Variants in HMGCLL1 observed in about 807,000 individuals in gnomAD.
HMGCLL1 encodes 3-hydroxymethyl-3-methylglutaryl-CoA lyase, cytoplasmic.
Under a neutral mutation model 39.1 loss-of-function variants are expected in HMGCLL1, and 36 were observed. That is an observed-to-expected ratio of 0.92 (90% CI 0.71 to 1.22). HMGCLL1 has a LOEUF of 1.22. Among genes scored for constraint, HMGCLL1 ranks in the 50% most tolerant of loss-of-function variants. The pLI is 0.00. For synonymous variants in HMGCLL1, 149 were observed against 144.0 expected (o/e 1.03, Z -0.25); for missense variants, 451 against 416.5 (o/e 1.08, Z -0.72).
At chr6:55,639,493 G>C in the HMGCLL1 span, among the ~76,000 whole-genome samples, 5 of 151,478 alleles carry the variant, frequency 3.3e-5, no homozygotes, top group East Asian at 9.7e-4. Context: ...AATTCCACTG[G>C]AGAAGACAGG....
the HMGCLL1 span, among the ~76,000 whole-genome samples, chr6:55,608,321 A>G: frequency 6.6e-6 from 1 of 152,206 alleles, no homozygotes; most frequent in Non-Finnish European, 1.5e-5. Flanking sequence ...ACTCTGCCAG[A>G]GACAAATTCT....
the HMGCLL1 span, among the ~76,000 whole-genome samples, chr6:55,587,471 G>T: frequency 1.3e-5 from 2 of 151,996 alleles, no homozygotes; most frequent in Non-Finnish European, 2.9e-5. Flanking sequence ...AAAGATCATC[G>T]AGGCTAGGAA....
At chr6:55,442,128 C>G (rs945375837) in intron 7 of HMGCLL1, among the ~76,000 whole-genome samples, 1 of 152,040 alleles carries the variant, frequency 6.6e-6, no homozygotes, top group Non-Finnish European at 1.5e-5. Flanking sequence ...CTGGTATTAA[C>G]TTTTCTTGTC....
At chr6:55,633,167 T>C in the HMGCLL1 span, among the ~76,000 whole-genome samples, 51,538 of 151,924 alleles carry the variant, frequency 0.34, 9,066 homozygotes, top group African/African-American at 0.42. Context: ...TCAAGGCATA[T>C]GTCATTCAAA....
intron 1 of HMGCLL1, among the ~76,000 whole-genome samples, chr6:55,565,696 T>C (rs1771178397): frequency 6.6e-6 from 1 of 152,116 alleles, no homozygotes; most frequent in South Asian, 2.1e-4. Flanking sequence ...TTATGTTCCA[T>C]CTTTTTTAGC....
the HMGCLL1 span, among the ~76,000 whole-genome samples, chr6:55,584,779 G>A: frequency 6.6e-6 from 1 of 151,970 alleles, no homozygotes; most frequent in Non-Finnish European, 1.5e-5. Flanking sequence ...AGTAACAAAT[G>A]CCAAACTGAC....
chr6:55,604,328 T>C, the HMGCLL1 span, among the ~76,000 whole-genome samples: 1 of 152,200 alleles, frequency 6.6e-6, no homozygotes, highest in Admixed American at 6.6e-5. Context: ...TCCATAGTTA[T>C]TTTGAAACAA....
chr6:55,464,441 A>G (rs1005389896), intron 7 of HMGCLL1, among the ~76,000 whole-genome samples: 17 of 152,296 alleles, frequency 1.1e-4, no homozygotes, highest in Non-Finnish European at 2.4e-4. Context: ...ACATACATGG[A>G]TAACCACCTC....
chr6:55,514,965 G>T (rs930515548), intron 4 of HMGCLL1, among the ~76,000 whole-genome samples: 3 of 151,992 alleles, frequency 2.0e-5, no homozygotes, highest in East Asian at 1.9e-4. Context: ...ATTAACACAT[G>T]GGGGGGAGGT....
chr6:55,475,740 C>T (rs977598939), intron 7 of HMGCLL1, among the ~76,000 whole-genome samples: 1 of 151,582 alleles, frequency 6.6e-6, no homozygotes, highest in Non-Finnish European at 1.5e-5. Flanking sequence ...ATATTACTCT[C>T]ATGTTATTTA....
At chr6:55,451,175 G>A (rs1275156630) in intron 7 of HMGCLL1, among the ~76,000 whole-genome samples, 2 of 152,150 alleles carry the variant, frequency 1.3e-5, no homozygotes, top group African/African-American at 2.4e-5. Flanking sequence ...ATCTATTCAG[G>A]TGGAGGTCCC....
chr6:55,627,931 C>A, the HMGCLL1 span, among the ~76,000 whole-genome samples: 34 of 1,052 alleles, frequency 0.032, 3 homozygotes, highest in Non-Finnish European at 0.041. Context: ...AATATATATA[C>A]TATATATATA....
the HMGCLL1 span, among the ~76,000 whole-genome samples, chr6:55,600,609 A>G: frequency 2.6e-5 from 4 of 152,146 alleles, no homozygotes; most frequent in Non-Finnish European, 5.9e-5. Context: ...CTTTTTGTTA[A>G]TGGACAGCCT....
the HMGCLL1 span, among the ~76,000 whole-genome samples, chr6:55,646,441 C>T: frequency 3.3e-5 from 5 of 151,242 alleles, no homozygotes; most frequent in African/African-American, 7.3e-5. Context: ...TTTTGGGTTT[C>T]GTTTGCTCTT....
intron 3 of HMGCLL1, among the ~76,000 whole-genome samples, chr6:55,534,600 G>A (rs142550513): frequency 0.013 from 1,907 of 152,248 alleles, 34 homozygotes; most frequent in African/African-American, 0.043. Flanking sequence ...CAGGAAGAGA[G>A]AGGTGGACAG....
intron 7 of HMGCLL1, among the ~76,000 whole-genome samples, chr6:55,465,608 T>C (rs1162825527): frequency 6.6e-6 from 1 of 152,094 alleles, no homozygotes; most frequent in East Asian, 1.9e-4. Flanking sequence ...AGATACCCTT[T>C]ATGAGCTTTA....
the HMGCLL1 span, among the ~76,000 whole-genome samples, chr6:55,586,489 C>T: frequency 2.1e-4 from 32 of 151,966 alleles, no homozygotes; most frequent in African/African-American, 7.7e-4. Context: ...CGGTGTGCTG[C>T]ACCCAATAAC....
the HMGCLL1 span, among the ~76,000 whole-genome samples, chr6:55,627,193 T>G: frequency 6.6e-6 from 1 of 152,108 alleles, no homozygotes; most frequent in Non-Finnish European, 1.5e-5. Context: ...ATTGTAACTG[T>G]CATGAGTATT....
chr6:55,640,238 A>G, the HMGCLL1 span, among the ~76,000 whole-genome samples: 1 of 152,140 alleles, frequency 6.6e-6, no homozygotes. Context: ...GCAATACTCC[A>G]GTAATTTAAC....
Sources: allele counts gnomAD v4.1 joint callset (sites outside exome capture counted in the v4.1 genomes callset), GRCh38; gene constraint gnomAD v4.1.1; transcripts MANE v1.5; gene names NCBI Gene and HGNC (gene_info 2026-07-23, HGNC 2026-07-21).